CPLANE1: variants seen among roughly 807,000 people sequenced by gnomAD.
CPLANE1 encodes the protein ciliogenesis and planar polarity effector 1.
CPLANE1 carries 263 observed loss-of-function variants against 362.5 expected under a neutral mutation model. That is an observed-to-expected ratio of 0.73 (90% CI 0.66 to 0.80). The LOEUF is 0.80. Among genes scored for constraint, CPLANE1 ranks in the 30% least tolerant of loss-of-function variants. CPLANE1 has a pLI of 0.00. For synonymous variants in CPLANE1, 1,212 were observed against 1,302.6 expected (o/e 0.93, Z 1.50); for missense variants, 3,461 against 3,793.4 (o/e 0.91, Z 2.30).
intron 46 of CPLANE1, 150 bp from the exon 47 acceptor site, chr5:37,125,559 T>C: frequency 1.5e-6 from 1 of 648,960 alleles, no homozygotes; most frequent in South Asian, 2.2e-5. Context: ...TCACTCCAAT[T>C]TGTTACCTGA....
chr5:37,228,052 T>C (rs1338946545), intron 9 of CPLANE1, among the ~76,000 whole-genome samples: 4 of 152,184 alleles, frequency 2.6e-5, no homozygotes, highest in Non-Finnish European at 4.4e-5. Flanking sequence ...ATTTATTCTA[T>C]TTTGTATTTA....
At chr5:37,197,120 T>A (rs1787763186) in intron 20 of CPLANE1, among the ~76,000 whole-genome samples, 1 of 151,664 alleles carries the variant, frequency 6.6e-6, no homozygotes, top group South Asian at 2.1e-4. Flanking sequence ...GTTTTTTTTT[T>A]AACAAACCAA....
chr5:37,122,511 G>A (rs1412205418), intron 47 of CPLANE1, 23 bp from the exon 48 acceptor site: 1 of 1,552,702 alleles, frequency 6.4e-7, no homozygotes, highest in Non-Finnish European at 8.8e-7. Context: ...TACCCAGTTG[G>A]TTCATTATTG....
At chr5:37,167,454 C>A (rs1425000905) in intron 34 of CPLANE1, among the ~76,000 whole-genome samples, 1 of 152,154 alleles carries the variant, frequency 6.6e-6, no homozygotes, top group African/African-American at 2.4e-5. Context: ...GCTAGAAGTT[C>A]TCAACTTCCT....
In CPLANE1 at chr5:37,106,733, C is replaced by A; in HGVS notation, c.*869G>T. ...ATACATGTTGTAAAACCTGGCTTCA[C>A]ACAGGTAGATATTTGGAAAAAGAGG... is the stretch of plus-strand genomic sequence containing the variant. On this transcript the variant is annotated 3_prime_UTR_variant, in exon 53 of 53. Transcript: ENST00000651892. 1.6e-6 allele frequency: 1 copy of A among 629,792 alleles called. No homozygotes were observed. The highest frequency in any genetic ancestry group is 7.1e-5 in the South Asian group (1 of 14,086). The allele number at this position is 629,792 out of a possible 1,614,324, so 39.0% of individuals were successfully genotyped here. A position where few individuals can be genotyped will look rare whatever the true frequency, so the allele number is the denominator to read the frequency against.
intron 46 of CPLANE1, among the ~76,000 whole-genome samples, chr5:37,134,500 C>A (rs1255375271): frequency 5.3e-5 from 8 of 152,060 alleles, no homozygotes; most frequent in Admixed American, 5.2e-4. Context: ...TTGTTGTTTT[C>A]TGATTGTGCT....
At chr5:37,132,643 A>G (rs2150261696) in intron 46 of CPLANE1, among the ~76,000 whole-genome samples, 1 of 152,064 alleles carries the variant, frequency 6.6e-6, no homozygotes, top group South Asian at 2.1e-4. Context: ...CACCGCCCCC[A>G]GCCCAATTGT....
At chr5:37,217,165 T>G (rs12515518) in intron 15 of CPLANE1, among the ~76,000 whole-genome samples, 1 of 152,230 alleles carries the variant, frequency 6.6e-6, no homozygotes, top group Admixed American at 6.5e-5. Flanking sequence ...GGAGGAATTA[T>G]ACAAAGGTAA....
intron 44 of CPLANE1, chr5:37,140,365 T>C (rs1769299849): frequency 1.0e-6 from 1 of 981,738 alleles, no homozygotes; most frequent in Non-Finnish European, 1.2e-6. Context: ...ATTTAATTTA[T>C]TAACCTCCAA....
At chr5:37,118,582 T>TGATC (rs1165854130) in intron 50 of CPLANE1, among the ~76,000 whole-genome samples, 1 of 152,200 alleles carries the variant, frequency 6.6e-6, no homozygotes, top group Non-Finnish European at 1.5e-5. Context: ...CCTAGTTGTA[T>TGATC]GATCTTGGGC....
chr5:37,148,933 C>A (rs1772625366), intron 42 of CPLANE1, among the ~76,000 whole-genome samples: 1 of 152,038 alleles, frequency 6.6e-6, no homozygotes, highest in Admixed American at 6.6e-5. Context: ...TGCCTGTAAT[C>A]CCAGCTACTC....
chr5:37,158,421 G>T, intron 38 of CPLANE1, 76 bp from the exon 39 acceptor site: 1 of 1,377,348 alleles, frequency 7.3e-7, no homozygotes, highest in Non-Finnish European at 9.8e-7. Context: ...AGCTTTGTAT[G>T]AACAAGTTAG....
chr5:37,232,595 G>A (rs1797957221), intron 8 of CPLANE1, among the ~76,000 whole-genome samples: 1 of 151,058 alleles, frequency 6.6e-6, no homozygotes, highest in Admixed American at 6.6e-5. Context: ...ACAGTATTTT[G>A]GGAGGCCAAG....
chr5:37,133,983 C>A lies in CPLANE1; in HGVS notation c.8792+4737G>T, dbSNP rs565555674. On this transcript the variant is annotated intron_variant, in intron 46 of 52. Coordinates refer to ENST00000651892, the MANE Select transcript of CPLANE1 (RefSeq NM_001384732.1). ...CCAATCTTGCATCCTAGAAATGAGG[C>A]CTACTTGATTATGGTGAATTAACAA... Among the ~76,000 whole-genome samples the A allele has an allele frequency of 1.3e-3, 192 of 152,210 alleles. 2 individuals carry two copies. Among genetic ancestry groups the A allele is most frequent in the African/African-American group, 4.5e-3 (186 of 41,518 alleles).
chr5:37,163,952 G>C (rs2150835747), intron 37 of CPLANE1, among the ~76,000 whole-genome samples: 1 of 152,314 alleles, frequency 6.6e-6, no homozygotes, highest in East Asian at 1.9e-4. Context: ...CAGGTTAAGG[G>C]AGATTCCAGG....
intron 19 of CPLANE1, among the ~76,000 whole-genome samples, 186 bp downstream of exon 19, chr5:37,201,405 G>A (rs546376520): frequency 8.5e-5 from 13 of 152,184 alleles, no homozygotes; most frequent in Admixed American, 5.2e-4. Flanking sequence ...TAACCGATAC[G>A]GAAACTTAAA....
At chr5:37,225,555 T>C (rs994671356) in intron 12 of CPLANE1, among the ~76,000 whole-genome samples, 2 of 152,078 alleles carry the variant, frequency 1.3e-5, no homozygotes, top group Non-Finnish European at 2.9e-5. Context: ...GGTCATTTTT[T>C]TAAGAGGTCA....
At chr5:37,207,197 A>AT (rs1465493932) in intron 16 of CPLANE1, among the ~76,000 whole-genome samples, 2 of 152,204 alleles carry the variant, frequency 1.3e-5, no homozygotes, top group Admixed American at 1.3e-4. Context: ...TGTTGATGGG[A>AT]TTTTTACTCA....
At chr5:37,085,660 G>T in the CPLANE1 span, 2 of 1,058,140 alleles carry the variant, frequency 1.9e-6, no homozygotes, top group Non-Finnish European at 3.0e-6. Flanking sequence ...ACAGAGAGAG[G>T]CACCCTGGAT....
Sources: gnomAD v4.1 joint callset for allele counts (sites outside exome capture counted in the v4.1 genomes callset) on GRCh38, gnomAD v4.1.1 for gene constraint, MANE v1.5 for transcripts, NCBI Gene and HGNC (gene_info 2026-07-23, HGNC 2026-07-21) for gene names.